The following LSM14B variants were observed in gnomAD, a reference collection of about 807,000 sequenced individuals.
The protein encoded by LSM14B is LSM family member 14B, also known as protein LSM14 homolog B.
Under a neutral mutation model 42.1 loss-of-function variants are expected in LSM14B, and 8 were observed. That is an observed-to-expected ratio of 0.19 (90% CI 0.11 to 0.34). LSM14B has a LOEUF of 0.34. Among genes scored for constraint, LSM14B ranks in the 10% least tolerant of loss-of-function variants. LSM14B has a pLI of 1.00. For missense variants in LSM14B, 396 were observed against 513.1 expected (o/e 0.77, Z 2.21); for synonymous variants, 219 against 209.7 (o/e 1.04, Z -0.38).
chr20:62,124,866 C>G (rs2056538878), intron 2 of LSM14B, 86 bp downstream of exon 2: 1 of 1,257,998 alleles, frequency 7.9e-7, no homozygotes, highest in African/African-American at 1.5e-5. Flanking sequence ...TCAGAACGCT[C>G]AATGTGAGGA....
At chr20:62,132,765 G>T (rs541133203) in intron 7 of LSM14B, among the ~76,000 whole-genome samples, 178 of 152,288 alleles carry the variant, frequency 1.2e-3, no homozygotes, top group African/African-American at 4.1e-3. Context: ...GGGTGGGAGT[G>T]CTGGGTGCAC....
chr20:62,135,302 G>C lies in LSM14B; in HGVS notation c.*1154G>C, dbSNP rs1285986285. ...TGTAGGACTTAATGGCTAAGAATTAGAACATAGCAAGGGGGCTCCTCTGTT... is the reference window on the plus strand; with the variant it reads ...TGTAGGACTTAATGGCTAAGAATTACAACATAGCAAGGGGGCTCCTCTGTT... On this transcript the variant is annotated 3_prime_UTR_variant, in exon 9 of 9. Coordinates refer to ENST00000279068, the MANE Select transcript of LSM14B (RefSeq NM_144703.3). The C allele has an allele frequency of 6.6e-6, 1 of 152,174 alleles. No individual in the cohort carries two copies. Among genetic ancestry groups the C allele is most frequent in the Non-Finnish European group, 1.5e-5 (1 of 68,038 alleles). 9.4% of individuals were successfully genotyped at this position (152,174 alleles called of 1,614,324 possible). A position where few individuals can be genotyped will look rare whatever the true frequency, so the allele number is the denominator to read the frequency against.
rs188818813 is a variant in LSM14B, at chr20:62,124,822, C to G, written c.291+42C>G. 15 of 1,564,262 alleles carry G rather than the reference C, an allele frequency of 9.6e-6. No homozygotes were observed. In the East Asian group the frequency reaches 3.5e-4, roughly 36 times the overall value. Reference sequence around the variant, plus strand: ...CCCTCTGTGCATGCTGTAGGAGATGCTGGTTTCCATTTGGAGCTTGGTGGC... The same window carrying G: ...CCCTCTGTGCATGCTGTAGGAGATGGTGGTTTCCATTTGGAGCTTGGTGGC... On this transcript the variant is annotated intron_variant, in intron 2 of 8. Transcript: ENST00000279068.
chr20:62,124,587 C>T (rs2056529325), intron 1 of LSM14B, 30 bp from the exon 2 acceptor site: 1 of 1,607,008 alleles, frequency 6.2e-7, no homozygotes, highest in Non-Finnish European at 8.5e-7. Context: ...CTGAGGACAA[C>T]AATAACGCTT....
chr20:62,122,478 C>G lies in LSM14B; in HGVS notation c.-189C>G, dbSNP rs991020438. 5.3e-5 allele frequency: 12 copies of G among 227,902 alleles called. No homozygotes were observed. Among genetic ancestry groups the G allele is most frequent in the African/African-American group, 2.8e-4 (12 of 42,598 alleles). 14.1% of individuals were successfully genotyped at this position (227,902 alleles called of 1,614,324 possible). A position where few individuals can be genotyped will look rare whatever the true frequency, so the allele number is the denominator to read the frequency against. ...CCCGCGCTCCTCTCAGAGCCCCAGT[C>G]GCGCGCCCCTTCTTGGTTCGCTCGG... is the stretch of plus-strand genomic sequence containing the variant. On this transcript the variant is annotated 5_prime_UTR_variant, in exon 1 of 9. Transcript: ENST00000279068. This position sits in a 1 kb window ranked among gnomAD's most constrained non-coding sequence, Gnocchi z 4.6.
intron 3 of LSM14B, chr20:62,128,866 G>C: frequency 1.0e-6 from 1 of 957,464 alleles, no homozygotes. Context: ...AGTAAGATGA[G>C]ATGCCCAGTC....
chr20:62,133,975 G>A (rs535383190), intron 8 of LSM14B, among the ~76,000 whole-genome samples, 188 bp from the exon 9 acceptor site: 1 of 152,346 alleles, frequency 6.6e-6, no homozygotes, highest in African/African-American at 2.4e-5. Context: ...TAGCCCTCCT[G>A]CCACTAGCTG....
chr20:62,124,862 C>A, intron 2 of LSM14B, 82 bp downstream of exon 2: 2 of 1,385,696 alleles, frequency 1.4e-6, no homozygotes, highest in Non-Finnish European at 1.9e-6. Context: ...TTGGTCAGAA[C>A]GCTCAATGTG....
chr20:62,124,921 A>G (rs2145596614), intron 2 of LSM14B, 141 bp downstream of exon 2: 2 of 957,722 alleles, frequency 2.1e-6, no homozygotes, highest in Non-Finnish European at 3.0e-6. Flanking sequence ...TCGCTGTGTC[A>G]CCAGGCTGGA....
Position 62,130,564 on chromosome 20 carries a change from A to G in LSM14B, c.708A>G (p.Gln236=). 2 of 1,613,952 alleles carry G rather than the reference A, an allele frequency of 1.2e-6. No individual in the cohort carries two copies. Among genetic ancestry groups the G allele is most frequent in the Non-Finnish European group, 1.7e-6 (2 of 1,179,876 alleles). ...NRRTRNRSRG[Q]NRPTNVKENT... ...GAACAAGGAATCGCTCCAGAGGGCA[A>G]AACCGTCCAACTAACGTTAAGGAAA... is the stretch of plus-strand genomic sequence containing the variant. The change falls in exon 6 of 9, where the codon CAA becomes CAG. Residue 236 remains glutamine, a synonymous_variant. Coordinates refer to ENST00000279068, the MANE Select transcript of LSM14B (RefSeq NM_144703.3). The surrounding 1 kb of genome is among the most constrained non-coding windows in gnomAD (Gnocchi z 4.1).
Position 62,130,738 on chromosome 20 carries a change from A to G in LSM14B, c.835+47A>G, listed in dbSNP as rs114042894. On this transcript the variant is annotated intron_variant, in intron 6 of 8. Transcript: ENST00000279068. The surrounding 1 kb of genome is among the most constrained non-coding windows in gnomAD (Gnocchi z 4.1). ...TTATTCTCTGCACAGGAGTACCCCT[A>G]GAGAGTGTTAGGAGGAGATGCCTGG... is the stretch of plus-strand genomic sequence containing the variant. 3.8e-6 allele frequency: 6 copies of G among 1,584,588 alleles called. No homozygotes were observed. The highest frequency in any genetic ancestry group is 5.1e-6 in the Non-Finnish European group (6 of 1,165,978).
chr20:62,130,461 C>A lies in LSM14B; in HGVS notation c.674-69C>A. ...GGCCTTGGGGGTGTGCCTGGAAATT[C>A]CTTGTGAGGTGTTTGAGATCACTGG... On this transcript the variant is annotated intron_variant, in intron 5 of 8. Coordinates refer to ENST00000279068, the MANE Select transcript of LSM14B (RefSeq NM_144703.3). The surrounding 1 kb of genome is among the most constrained non-coding windows in gnomAD (Gnocchi z 4.1). 6.3e-7 allele frequency: 1 copy of A among 1,578,648 alleles called. No homozygotes were observed. Among genetic ancestry groups the A allele is most frequent in the Non-Finnish European group, 8.6e-7 (1 of 1,160,504 alleles).
In LSM14B at chr20:62,129,910, C is replaced by G; in HGVS notation, c.553C>G (p.Leu185Val). ...LPGKGTTGTQ[L>V]NGRQAQPSSK... ...TGGCAAGGGCACCACAGGGACGCAGCTCAACGGTCGTCAGGCCCAGCCGAG... is the reference window on the plus strand; with the variant it reads ...TGGCAAGGGCACCACAGGGACGCAGGTCAACGGTCGTCAGGCCCAGCCGAG... The change falls in exon 4 of 9, where the codon CTC (leucine) becomes GTC (valine). Residue 185 changes from leucine (L) to valine (V), a missense_variant. By Grantham distance (32) the Leu-to-Val change is conservative (BLOSUM62 1). Transcript: ENST00000279068. 2 of 1,613,524 alleles carry G rather than the reference C, an allele frequency of 1.2e-6. No individual in the cohort carries two copies. The highest frequency in any genetic ancestry group is 2.2e-5 in the South Asian group (2 of 91,054).
Position 62,122,680 on chromosome 20 carries a change from C to T in LSM14B, c.14C>T (p.Ser5Leu). The T allele has an allele frequency of 6.8e-7, 1 of 1,477,136 alleles. No homozygotes were observed. The highest frequency in any genetic ancestry group is 1.2e-5 in the South Asian group (1 of 80,718). The allele number at this position is 1,477,136 out of a possible 1,614,324, so 91.5% of individuals were successfully genotyped here. A position where few individuals can be genotyped will look rare whatever the true frequency, so the allele number is the denominator to read the frequency against. ...CCGGCCGCCGCCATGAGCGGCTCCT[C>T]AGGCACCCCGTATCTGGGCAGCAAG... is the stretch of plus-strand genomic sequence containing the variant. MSGS[S>L]GTPYLGSKIS... The change falls in exon 1 of 9, where the codon TCA becomes TTA. Residue 5 changes from serine (S) to leucine (L), a missense_variant. Physicochemically the swap from Ser to Leu is moderately radical, Grantham distance 145. Coordinates refer to ENST00000279068, the MANE Select transcript of LSM14B (RefSeq NM_144703.3). The surrounding 1 kb of genome is among the most constrained non-coding windows in gnomAD (Gnocchi z 4.6).
Position 62,130,291 on chromosome 20 carries a change from G to T in LSM14B, c.668G>T (p.Arg223Leu). Residue 223 changes from arginine (R) to leucine (L), a missense_variant, in exon 5 of 9, where the codon CGA becomes CTA. Transcript: ENST00000279068. The surrounding 1 kb of genome is among the most constrained non-coding windows in gnomAD (Gnocchi z 4.1). Reference protein sequence around the residue: ...NDENRRPQRRRSGNRRTRNRS... With the variant: ...NDENRRPQRRLSGNRRTRNRS... ...GAGAACAGAAGACCTCAGAGGAGGC[G>T]ATCAGGTAACACCTGTTGCCACTTG... 1 of 1,593,294 alleles carries T rather than the reference G, an allele frequency of 6.3e-7. No individual in the cohort carries two copies. Among genetic ancestry groups the T allele is most frequent in the Non-Finnish European group, 8.5e-7 (1 of 1,169,852 alleles).
Position 62,130,340 on chromosome 20 carries a change from AG to A in LSM14B, c.673+46del. On this transcript the variant is annotated intron_variant, in intron 5 of 8. Transcript: ENST00000279068. This position sits in a 1 kb window ranked among gnomAD's most constrained non-coding sequence, Gnocchi z 4.1. ...TGATTTCTGGGGACCACGAGTGATCAGGCTGAGCTCTGCTTGCCCTCCTGCC... is the reference window on the plus strand; with the variant it reads ...TGATTTCTGGGGACCACGAGTGATCAGCTGAGCTCTGCTTGCCCTCCTGCC... The A allele has an allele frequency of 6.4e-7, 1 of 1,560,004 alleles. No homozygotes were observed. The highest frequency in any genetic ancestry group is 8.7e-7 in the Non-Finnish European group (1 of 1,150,984).
Position 62,126,103 on chromosome 20 carries a change from C to A in LSM14B, c.292-201C>A. ...AAAACAAAAAAAGGAATTACATGGA[C>A]AGGTGAAACTGGAACTGAAATGCTG... On this transcript the variant is annotated intron_variant, in intron 2 of 8. Transcript: ENST00000279068. 1.3e-5 allele frequency: 9 copies of A among 672,860 alleles called. No homozygotes were observed. The South Asian group carries it at 1.4e-4, about 11-fold the overall frequency. The allele number at this position is 672,860 out of a possible 1,614,324, so 41.7% of individuals were successfully genotyped here. A position where few individuals can be genotyped will look rare whatever the true frequency, so the allele number is the denominator to read the frequency against.
At position 62,130,240 on chromosome 20, in the gene LSM14B, T is replaced by C; in HGVS notation, c.617T>C (p.Val206Ala). 1 of 1,605,196 alleles carries C rather than the reference T, an allele frequency of 6.2e-7. No homozygotes were observed. Residue 206 changes from valine to alanine, a missense_variant, in exon 5 of 9, where the codon GTG becomes GCG. Coordinates refer to ENST00000279068, the MANE Select transcript of LSM14B (RefSeq NM_144703.3). The surrounding 1 kb of genome is among the most constrained non-coding windows in gnomAD (Gnocchi z 4.1). ...GTAGATGTAGTCCAGCCGGCAGCTG[T>C]GCAAGCTCAAGGGCAGGTGAATGAC... The part of the protein sequence containing the change: ...TASDVVQPAA[V>A]QAQGQVNDEN...
Position 62,133,300 on chromosome 20 carries a change from A to C in LSM14B, c.997A>C (p.Thr333Pro), listed in dbSNP as rs1600951620. ...SSELKTSSRR[T>P]TWAEERKLNT... ...TCCTCTGTGGTTTAGCTCCAGGCGG[A>C]CGACGTGGGCCGAAGAGAGGAAGCT... Residue 333 changes from threonine to proline, a missense_variant, in exon 8 of 9, where the codon ACG becomes CCG. By Grantham distance (38) the Thr-to-Pro change is conservative. Around this residue, in one of 3 missense-constraint regions of LSM14B, gnomAD observed 118 missense variants for 156.4 expected, o/e 0.75. Transcript: ENST00000279068. The C allele has an allele frequency of 6.2e-7, 1 of 1,613,342 alleles. No individual in the cohort carries two copies. Among genetic ancestry groups the C allele is most frequent in the Non-Finnish European group, 8.5e-7 (1 of 1,179,608 alleles).
Sources: gnomAD v4.1 joint callset for allele counts (sites outside exome capture counted in the v4.1 genomes callset) on GRCh38, gnomAD v4.1.1 for gene constraint, gnomAD v4.1.1 regional missense constraint, Gnocchi (gnomAD v3.1) non-coding constraint, MANE v1.5 for transcripts, NCBI Gene and HGNC (gene_info 2026-07-23, HGNC 2026-07-21) for gene names.